NRXN1: variants seen among roughly 807,000 people sequenced by gnomAD.
The protein encoded by NRXN1 is neurexin-1.
A neutral mutation model predicts 150.9 loss-of-function variants in NRXN1; 39 were observed. That is an observed-to-expected ratio of 0.26 (90% CI 0.20 to 0.34). NRXN1 has a LOEUF of 0.34. NRXN1 is among the 10% of genes least tolerant of loss of function. The pLI is 1.00. For missense variants in NRXN1, 1,815 were observed against 1,949.9 expected, an observed-to-expected ratio of 0.93 and a Z score of 1.30; for synonymous variants, 924 against 757.0, an observed-to-expected ratio of 1.22 and a Z score of -3.62.
At chr2:50,189,395 T>C (rs1574404931) in intron 18 of NRXN1, among the ~76,000 whole-genome samples, 2 of 152,074 alleles carry the variant, frequency 1.3e-5, no homozygotes, top group East Asian at 1.9e-4. Flanking sequence ...GGGATAGCAT[T>C]AGGAAAAATA....
At chr2:50,747,570 G>A (rs1161465531) in intron 5 of NRXN1, among the ~76,000 whole-genome samples, 4 of 151,816 alleles carry the variant, frequency 2.6e-5, no homozygotes, top group South Asian at 2.1e-4. Context: ...TTCCAACTTC[G>A]ATTCAGACAT....
At chr2:50,493,488 G>A (rs1410794323) in intron 15 of NRXN1, among the ~76,000 whole-genome samples, 2 of 152,116 alleles carry the variant, frequency 1.3e-5, no homozygotes, top group South Asian at 2.1e-4. Flanking sequence ...TCATAGAGAC[G>A]GAGAGCTTTG....
chr2:50,005,383 C>A (rs72887883), intron 21 of NRXN1, among the ~76,000 whole-genome samples: 1 of 151,932 alleles, frequency 6.6e-6, no homozygotes, highest in Admixed American at 6.6e-5. Flanking sequence ...GAGAGGAAGA[C>A]AACTTGCTCC....
intron 15 of NRXN1, among the ~76,000 whole-genome samples, 186 bp downstream of exon 15, chr2:50,495,719 T>C (rs1461499328): frequency 1.3e-5 from 2 of 152,138 alleles, no homozygotes; most frequent in Non-Finnish European, 2.9e-5. Context: ...TTATTAAAAA[T>C]ACATAGGTTC....
intron 17 of NRXN1, among the ~76,000 whole-genome samples, chr2:50,412,087 T>C (rs2083230047): frequency 6.6e-6 from 1 of 152,214 alleles, no homozygotes; most frequent in East Asian, 1.9e-4. Flanking sequence ...GTGCAAGATG[T>C]GCTTTGTTAA....
intron 16 of NRXN1, among the ~76,000 whole-genome samples, chr2:50,466,709 G>A (rs2088906434): frequency 6.6e-6 from 1 of 151,592 alleles, no homozygotes; most frequent in Non-Finnish European, 1.5e-5. Context: ...TTGTACATAT[G>A]TATATATATA....
intron 5 of NRXN1, among the ~76,000 whole-genome samples, chr2:50,707,455 C>A (rs1694596156): frequency 6.6e-6 from 1 of 152,182 alleles, no homozygotes; most frequent in Non-Finnish European, 1.5e-5. Flanking sequence ...TCAGGCAGTT[C>A]TGATACCCAT....
intron 21 of NRXN1, among the ~76,000 whole-genome samples, chr2:49,967,966 TCAC>T (rs1416952536): frequency 6.6e-6 from 1 of 152,044 alleles, no homozygotes; most frequent in African/African-American, 2.4e-5. Flanking sequence ...CCATAATTCT[TCAC>T]CATATTTTAA....
chr2:50,903,889 C>T (rs866919294), intron 5 of NRXN1, among the ~76,000 whole-genome samples: 4 of 152,226 alleles, frequency 2.6e-5, no homozygotes, highest in South Asian at 2.1e-4. Context: ...AGATCTGAAA[C>T]GCCGGCTGTA....
intron 8 of NRXN1, among the ~76,000 whole-genome samples, chr2:50,612,843 C>A (rs1188189239): frequency 1.3e-5 from 2 of 152,096 alleles, no homozygotes; most frequent in East Asian, 3.9e-4. Context: ...TTATTATTAA[C>A]CTGCGTGCGT....
At chr2:50,637,691 C>G (rs1573914943) in intron 5 of NRXN1, 1 of 152,248 alleles carries the variant, frequency 6.6e-6, no homozygotes. Context: ...TTCCCCAAAT[C>G]AGAAAACTTG....
At chr2:50,237,886 G>C (rs1345021723) in intron 17 of NRXN1, among the ~76,000 whole-genome samples, 1 of 151,976 alleles carries the variant, frequency 6.6e-6, no homozygotes, top group Non-Finnish European at 1.5e-5. Context: ...ATCATGGAGT[G>C]GCTTTGCCCA....
At chr2:50,234,143 A>G (rs1215095596) in intron 18 of NRXN1, among the ~76,000 whole-genome samples, 1 of 151,944 alleles carries the variant, frequency 6.6e-6, no homozygotes, top group Non-Finnish European at 1.5e-5. Context: ...CTGGAGGTAA[A>G]CTTAGGTAGT....
intron 5 of NRXN1, among the ~76,000 whole-genome samples, chr2:50,666,586 C>T (rs1688055306): frequency 6.6e-6 from 1 of 151,870 alleles, no homozygotes. Context: ...CACATTTTCG[C>T]CAACACTTGG....
At chr2:50,560,714 A>T (rs1668945162) in intron 8 of NRXN1, among the ~76,000 whole-genome samples, 1 of 152,122 alleles carries the variant, frequency 6.6e-6, no homozygotes, top group South Asian at 2.1e-4. Flanking sequence ...CTTTAAAAAC[A>T]ATTCTTACCA....
intron 5 of NRXN1, among the ~76,000 whole-genome samples, chr2:50,834,661 C>T (rs2105902200): frequency 6.6e-6 from 1 of 152,166 alleles, no homozygotes; most frequent in East Asian, 1.9e-4. Flanking sequence ...CTCTTTGATC[C>T]TCAGTTTACT....
At chr2:50,360,135 T>C (rs2079085870) in intron 17 of NRXN1, among the ~76,000 whole-genome samples, 1 of 152,116 alleles carries the variant, frequency 6.6e-6, no homozygotes, top group African/African-American at 2.4e-5. Context: ...AAAAACCAGT[T>C]ACCAGTCACT....
chr2:50,743,474 T>C (rs980021695), intron 5 of NRXN1, among the ~76,000 whole-genome samples: 6 of 152,070 alleles, frequency 3.9e-5, no homozygotes, highest in African/African-American at 1.4e-4. Flanking sequence ...AGAAGGGAAG[T>C]TGGGAGAATA....
chr2:50,283,621 A>G (rs1426146581), intron 17 of NRXN1, among the ~76,000 whole-genome samples: 1 of 152,164 alleles, frequency 6.6e-6, no homozygotes, highest in Non-Finnish European at 1.5e-5. Context: ...AAATAGAACG[A>G]TATCAGGTCT....
Sources: gnomAD v4.1 joint callset for allele counts (sites outside exome capture counted in the v4.1 genomes callset) on GRCh38, gnomAD v4.1.1 for gene constraint, MANE v1.5 for transcripts, NCBI Gene and HGNC (gene_info 2026-07-23, HGNC 2026-07-21) for gene names.